The following CGNL1 variants were observed in gnomAD, a reference collection of about 807,000 sequenced individuals.
CGNL1 encodes the protein cingulin like 1, also known as cingulin-like protein 1.
A neutral mutation model predicts 141.2 loss-of-function variants in CGNL1; 132 were observed. The ratio of observed to expected loss-of-function variants is 0.93; its 90% CI spans 0.81 to 1.08. The LOEUF is 1.08. Ranked by LOEUF, CGNL1 falls within the 50% of genes least tolerant of loss-of-function variation. The pLI is 0.00. For missense variants in CGNL1, 1,870 were observed against 1,588.6 expected, an observed-to-expected ratio of 1.18 and a Z score of -3.01; for synonymous variants, 690 against 622.1, an observed-to-expected ratio of 1.11 and a Z score of -1.63.
chr15:57,385,315 G>A (rs2062471060), intron 1 of CGNL1, among the ~76,000 whole-genome samples: 1 of 152,220 alleles, frequency 6.6e-6, no homozygotes, highest in South Asian at 2.1e-4. Flanking sequence ...AGGCCGATCA[G>A]TTGGGATCAG....
intron 8 of CGNL1, among the ~76,000 whole-genome samples, chr15:57,511,260 T>C (rs2030281982): frequency 6.6e-6 from 1 of 152,202 alleles, no homozygotes. Context: ...TTACCTTCTT[T>C]TTATACACAC....
At chr15:57,524,868 C>G (rs2270488) in intron 12 of CGNL1, 117 bp downstream of exon 12, 128,368 of 980,398 alleles carry the variant, frequency 0.13, 9,255 homozygotes, top group Admixed American at 0.18. Flanking sequence ...GTGCTTGACT[C>G]TTCATTCTTC....
chr15:57,437,650 G>T (rs200963330), intron 1 of CGNL1, among the ~76,000 whole-genome samples: 2 of 49,900 alleles, frequency 4.0e-5, no homozygotes, highest in Non-Finnish European at 4.5e-5. Flanking sequence ...AAAAAAAAAA[G>T]GCAACCAGAA....
chr15:57,439,915 G>A (rs150101000), intron 2 of CGNL1, among the ~76,000 whole-genome samples: 2 of 152,210 alleles, frequency 1.3e-5, no homozygotes, highest in Non-Finnish European at 2.9e-5. Flanking sequence ...TGCAGAATTT[G>A]TTTCTACACA....
intron 1 of CGNL1, among the ~76,000 whole-genome samples, chr15:57,410,864 C>T (rs575838412): frequency 7.2e-5 from 11 of 152,140 alleles, no homozygotes; most frequent in African/African-American, 2.2e-4. Context: ...GACTGAAGTT[C>T]GTAACGTTTG....
chr15:57,499,050 T>C (rs577443665), intron 8 of CGNL1, among the ~76,000 whole-genome samples: 13 of 152,172 alleles, frequency 8.5e-5, no homozygotes, highest in African/African-American at 2.7e-4. Flanking sequence ...AAATAATTTC[T>C]CCTGCCCCAG....
intron 8 of CGNL1, among the ~76,000 whole-genome samples, chr15:57,514,441 G>A (rs1461620897): frequency 1.3e-5 from 2 of 152,066 alleles, no homozygotes; most frequent in Admixed American, 1.3e-4. Flanking sequence ...GTAACCCACC[G>A]CACCTGGCCC....
intron 8 of CGNL1, among the ~76,000 whole-genome samples, chr15:57,484,217 C>T (rs1420231523): frequency 6.6e-6 from 1 of 152,194 alleles, no homozygotes; most frequent in Non-Finnish European, 1.5e-5. Context: ...GAATTCTCCA[C>T]TGAAACCAGT....
chr15:57,397,786 C>CTTT (rs11386688), intron 1 of CGNL1, among the ~76,000 whole-genome samples: 1 of 147,382 alleles, frequency 6.8e-6, no homozygotes, highest in Admixed American at 6.7e-5. Context: ...TAAATTTCCT[C>CTTT]TTTTTTTTTT....
intron 8 of CGNL1, among the ~76,000 whole-genome samples, chr15:57,489,518 CTT>C (rs2063829506): frequency 6.6e-6 from 1 of 152,146 alleles, no homozygotes; most frequent in Non-Finnish European, 1.5e-5. Context: ...AAGCTTTACT[CTT>C]TTTCTAAGAA....
intron 8 of CGNL1, among the ~76,000 whole-genome samples, chr15:57,515,801 TC>T (rs1455284543): frequency 2.1e-4 from 32 of 152,244 alleles, no homozygotes; most frequent in African/African-American, 7.5e-4. Flanking sequence ...AATTTAAATT[TC>T]TGTTTTATAT....
At position 57,412,164 on chromosome 15, in the gene CGNL1, C is replaced by T. The variant is rs191767193; in HGVS notation, c.-15-25821C>T. Among the ~76,000 whole-genome samples, 10 of 152,252 alleles carry T rather than the reference C, an allele frequency of 6.6e-5. No homozygotes were observed. The East Asian group carries it at 1.9e-3, about 29-fold the overall frequency. On this transcript the variant is annotated intron_variant, in intron 1 of 18. Coordinates refer to ENST00000281282, the MANE Select transcript of CGNL1 (RefSeq NM_032866.5). ...GCTGGTGATGTGCCTGAAAGTCACT[C>T]CTGAGATTCTCGTTTATTTCTGTCC...
chr15:57,383,963 T>C (rs1409002064), intron 1 of CGNL1, among the ~76,000 whole-genome samples: 1 of 151,414 alleles, frequency 6.6e-6, no homozygotes. Flanking sequence ...CTTTTACTTG[T>C]GAGTTTCAGG....
chr15:57,536,693 A>G (rs542203530), intron 14 of CGNL1, among the ~76,000 whole-genome samples: 2 of 152,156 alleles, frequency 1.3e-5, no homozygotes, highest in East Asian at 3.9e-4. Context: ...TCCATTTATG[A>G]CAATTGCCAT....
intron 4 of CGNL1, among the ~76,000 whole-genome samples, chr15:57,443,997 T>C (rs2063222138): frequency 6.6e-6 from 1 of 152,190 alleles, no homozygotes; most frequent in African/African-American, 2.4e-5. Flanking sequence ...ATTGTATCTG[T>C]ACAGTTCATT....
intron 12 of CGNL1, 100 bp from the exon 13 acceptor site, chr15:57,528,554 C>A: frequency 1.7e-6 from 2 of 1,211,806 alleles, no homozygotes; most frequent in Non-Finnish European, 2.4e-6. Flanking sequence ...GGGAGTCCAG[C>A]TGATCTTCCT....
chr15:57,474,466 T>A (rs1041613216), intron 8 of CGNL1, among the ~76,000 whole-genome samples: 10 of 152,304 alleles, frequency 6.6e-5, no homozygotes, highest in Admixed American at 6.5e-4. Flanking sequence ...GCTCCTCATC[T>A]TGAAGGAGGG....
chr15:57,536,269 G>A (rs760941379), intron 14 of CGNL1, among the ~76,000 whole-genome samples: 6 of 152,152 alleles, frequency 3.9e-5, no homozygotes, highest in Admixed American at 6.5e-5. Context: ...CCCACAACAC[G>A]TGGGGATTAT....
chr15:57,445,988 G>A lies in CGNL1; in HGVS notation c.1803+3510G>A, dbSNP rs148403359. 2.3e-3 allele frequency among the ~76,000 whole-genome samples: 353 copies of A among 152,272 alleles called. 4 individuals carry two copies. The highest frequency in any genetic ancestry group is 3.4e-3 in the Middle Eastern group (1 of 294). On this transcript the variant is annotated intron_variant, in intron 4 of 18. Coordinates refer to ENST00000281282, the MANE Select transcript of CGNL1 (RefSeq NM_032866.5). Reference sequence around the variant, plus strand: ...GAAATGTAACATCTAAAAGGAGAAAGCCAATTTAGCTAACATACACTTATT... The same window carrying A: ...GAAATGTAACATCTAAAAGGAGAAAACCAATTTAGCTAACATACACTTATT...
Sources: gnomAD v4.1 joint callset for allele counts (sites outside exome capture counted in the v4.1 genomes callset) on GRCh38, gnomAD v4.1.1 for gene constraint, MANE v1.5 for transcripts, NCBI Gene and HGNC (gene_info 2026-07-23, HGNC 2026-07-21) for gene names.